The following FBXO25 variants were observed in gnomAD, a reference collection of about 807,000 sequenced individuals.
The protein encoded by FBXO25 is F-box protein 25, also known as F-box only protein 25.
In FBXO25, 45 loss-of-function variants were observed where a neutral mutation model predicts 51.9. The ratio of observed to expected loss-of-function variants is 0.87; its 90% CI spans 0.68 to 1.11. The LOEUF is 1.11. Among genes scored for constraint, FBXO25 ranks in the 50% most tolerant of loss-of-function variants. The pLI, the probability that FBXO25 is intolerant of heterozygous loss-of-function variation, is 0.00. For missense variants in FBXO25, 507 were observed against 428.5 expected, an observed-to-expected ratio of 1.18 and a Z score of -1.62; for synonymous variants, 199 against 151.0, an observed-to-expected ratio of 1.32 and a Z score of -2.33.
intron 2 of FBXO25, among the ~76,000 whole-genome samples, chr8:420,942 C>T (rs1023631336): frequency 1.3e-5 from 2 of 152,132 alleles, no homozygotes; most frequent in African/African-American, 4.8e-5. Context: ...GGGGGGAGTG[C>T]CCAAATGATA....
intron 7 of FBXO25, among the ~76,000 whole-genome samples, chr8:456,177 G>C (rs1324014407): frequency 6.6e-6 from 1 of 152,150 alleles, no homozygotes; most frequent in East Asian, 1.9e-4. Context: ...TTTTAGTTAG[G>C]GGTTAATTTA....
chr8:419,321 A>G (rs1797012137), intron 2 of FBXO25, among the ~76,000 whole-genome samples: 1 of 152,240 alleles, frequency 6.6e-6, no homozygotes, highest in Non-Finnish European at 1.5e-5. Flanking sequence ...GTGAGCAGAG[A>G]TCCTGTCATT....
chr8:454,400 G>GC (rs1799285100), intron 7 of FBXO25, among the ~76,000 whole-genome samples: 1 of 152,198 alleles, frequency 6.6e-6, no homozygotes, highest in Admixed American at 6.5e-5. Context: ...CTTCCTAGAT[G>GC]CCCCCATGTG....
At chr8:434,813 G>T (rs1297833988) in intron 4 of FBXO25, among the ~76,000 whole-genome samples, 3 of 152,204 alleles carry the variant, frequency 2.0e-5, no homozygotes, top group Non-Finnish European at 2.9e-5. Flanking sequence ...TAGGATAAGG[G>T]TATATCATGG....
chr8:459,275 C>G (rs1248973260), intron 8 of FBXO25, among the ~76,000 whole-genome samples: 1 of 152,220 alleles, frequency 6.6e-6, no homozygotes, highest in African/African-American at 2.4e-5. Flanking sequence ...TGGTCAGCAC[C>G]TTGAAGACCT....
intron 2 of FBXO25, among the ~76,000 whole-genome samples, chr8:421,274 C>A (rs138667796): frequency 3.3e-5 from 5 of 152,224 alleles, no homozygotes; most frequent in African/African-American, 1.2e-4. Context: ...AACCATCCCC[C>A]CTCCTCGCCC....
chr8:459,694 G>A lies in FBXO25; in HGVS notation c.843+1143G>A, dbSNP rs573786073. ...GGGCTGGCCTGAACATGGGCCTCACGGAGTGTGTCTGAGAGGTATGTGGAG... is the reference window on the plus strand; with the variant it reads ...GGGCTGGCCTGAACATGGGCCTCACAGAGTGTGTCTGAGAGGTATGTGGAG... On this transcript the variant is annotated intron_variant, in intron 8 of 9. Transcript: ENST00000350302. 1.2e-3 allele frequency among the ~76,000 whole-genome samples: 177 copies of A among 152,328 alleles called. 3 individuals carry two copies. Among genetic ancestry groups the A allele is most frequent in the Non-Finnish European group, 2.2e-3 (151 of 68,026 alleles).
chr8:421,151 T>C (rs1797128712), intron 2 of FBXO25, among the ~76,000 whole-genome samples: 2 of 152,218 alleles, frequency 1.3e-5, no homozygotes, highest in Admixed American at 6.5e-5. Context: ...TAGATTCTCA[T>C]AGGAGCGTGA....
intron 1 of FBXO25, among the ~76,000 whole-genome samples, chr8:409,225 T>G (rs1416892958): frequency 6.6e-6 from 1 of 152,218 alleles, no homozygotes; most frequent in East Asian, 1.9e-4. Flanking sequence ...TGTGCTTTAG[T>G]TCATGAGCTG....
intron 2 of FBXO25, among the ~76,000 whole-genome samples, chr8:415,311 A>G (rs1796730200): frequency 1.3e-5 from 2 of 152,194 alleles, no homozygotes; most frequent in African/African-American, 2.4e-5. Flanking sequence ...TTAGTATTCA[A>G]AGTTTAGAGA....
At position 470,541 on chromosome 8, in the gene FBXO25, A is replaced by G. The variant is rs1015427918; in HGVS notation, c.*1737A>G. 1 of 151,936 alleles carries G rather than the reference A, an allele frequency of 6.6e-6. No individual in the cohort carries two copies. The highest frequency in any genetic ancestry group is 2.4e-5 in the African/African-American group (1 of 41,332). The allele number at this position is 151,936 out of a possible 1,614,324, so 9.4% of individuals were successfully genotyped here. The stretch of plus-strand genomic sequence containing the variant: ...ACCACAGGCATATACCACCATGCTC[A>G]GCTGTTTTTTTGTATTTTTAGTAGA... On this transcript the variant is annotated 3_prime_UTR_variant, in exon 10 of 10. Transcript: ENST00000350302.
chr8:458,586 G>C (rs1799604975), intron 8 of FBXO25, 35 bp downstream of exon 8: 2 of 1,604,798 alleles, frequency 1.2e-6, no homozygotes, highest in African/African-American at 1.3e-5. Context: ...CTCAGGCTGG[G>C]AGTTTATAGA....
At chr8:447,282 G>A (rs559956011) in intron 5 of FBXO25, among the ~76,000 whole-genome samples, 1 of 152,228 alleles carries the variant, frequency 6.6e-6, no homozygotes, top group South Asian at 2.1e-4. Context: ...GGGGGAGAGA[G>A]TGGTGGAACT....
At chr8:456,855 C>G (rs1799472225) in intron 7 of FBXO25, among the ~76,000 whole-genome samples, 1 of 152,142 alleles carries the variant, frequency 6.6e-6, no homozygotes, top group Non-Finnish European at 1.5e-5. Context: ...AAGGTGCTTC[C>G]ATAGCGAGGA....
chr8:421,837 G>T (rs1294310919), intron 2 of FBXO25, among the ~76,000 whole-genome samples: 3 of 152,114 alleles, frequency 2.0e-5, no homozygotes, highest in Non-Finnish European at 4.4e-5. Flanking sequence ...AAGGGTAGAT[G>T]TCCGTCAAAA....
In FBXO25 at chr8:424,306, C is replaced by T. The variant is rs564133224; in HGVS notation, c.135-7035C>T. ...AGTTTGCAAATAGTTTCTCTCATTC[C>T]GTAGGTTGTCTATATTCTCTGTCAA... is the stretch of plus-strand genomic sequence containing the variant. On this transcript the variant is annotated intron_variant, in intron 2 of 9. Coordinates refer to ENST00000350302, the MANE Select transcript of FBXO25 (RefSeq NM_183420.2). Among the ~76,000 whole-genome samples, 53 of 152,090 alleles carry T rather than the reference C, an allele frequency of 3.5e-4. 1 individual carries two copies. The highest frequency in any genetic ancestry group is 8.8e-5 in the Non-Finnish European group (6 of 68,002).
chr8:470,622 C>G lies in FBXO25; in HGVS notation c.*1818C>G, dbSNP rs1200547191. ...TCTCAGGAGTTTGAGCTCAAGCAAT[C>G]CACCTGCCTCAGCTTCCCAAAGTGC... On this transcript the variant is annotated 3_prime_UTR_variant, in exon 10 of 10. Transcript: ENST00000350302. The G allele has an allele frequency of 1.3e-5, 2 of 152,184 alleles. No homozygotes were observed. The highest frequency in any genetic ancestry group is 2.9e-5 in the Non-Finnish European group (2 of 68,104). The allele number at this position is 152,184 out of a possible 1,614,324, so 9.4% of individuals were successfully genotyped here.
At chr8:413,521 G>T (rs1375515855) in intron 2 of FBXO25, among the ~76,000 whole-genome samples, 1 of 152,068 alleles carries the variant, frequency 6.6e-6, no homozygotes, top group African/African-American at 2.4e-5. Flanking sequence ...CAGTTTTGGT[G>T]GCATATATCA....
chr8:432,615 T>A (rs1046590259), intron 3 of FBXO25, among the ~76,000 whole-genome samples: 1 of 152,238 alleles, frequency 6.6e-6, no homozygotes, highest in African/African-American at 2.4e-5. Context: ...CATTTTATAA[T>A]CATTTATGTC....
Sources: gnomAD v4.1 joint callset for allele counts (sites outside exome capture counted in the v4.1 genomes callset) on GRCh38, gnomAD v4.1.1 for gene constraint, MANE v1.5 for transcripts, NCBI Gene and HGNC (gene_info 2026-07-23, HGNC 2026-07-21) for gene names.